Variants in SCN1A observed in about 807,000 individuals in gnomAD.
SCN1A encodes sodium voltage-gated channel alpha subunit 1.
Under a neutral mutation model 193.7 loss-of-function variants are expected in SCN1A, and 13 were observed. The ratio of observed to expected loss-of-function variants is 0.07; its 90% CI spans 0.04 to 0.11. The LOEUF is 0.11. Ranked by LOEUF, SCN1A falls within the 10% of genes least tolerant of loss-of-function variation. The probability of loss-of-function intolerance (pLI) is 1.00; values close to 1 mark genes in which losing one functional copy is unlikely to be tolerated. For synonymous variants in SCN1A, 781 were observed against 843.6 expected, an observed-to-expected ratio of 0.93 and a Z score of 1.29; for missense variants, 1,432 against 2,451.1, an observed-to-expected ratio of 0.58 and a Z score of 8.78.
At chr2:166,003,706 C>T (rs1691258340) in intron 23 of SCN1A, among the ~76,000 whole-genome samples, 1 of 151,512 alleles carries the variant, frequency 6.6e-6, no homozygotes, top group Non-Finnish European at 1.5e-5. Flanking sequence ...CCCTAAAATG[C>T]TTATAAGGGG....
chr2:166,049,007 G>C, intron 9 of SCN1A, 58 bp from the exon 10 acceptor site: 2 of 1,072,632 alleles, frequency 1.9e-6, no homozygotes, highest in Admixed American at 1.7e-5. Flanking sequence ...ACACTCAAAT[G>C]AGAACAGGAA....
upstream of SCN1A, among the ~76,000 whole-genome samples, chr2:166,130,514 G>A (rs190947670): frequency 1.3e-5 from 2 of 152,274 alleles, no homozygotes; most frequent in African/African-American, 4.8e-5. Flanking sequence ...AAATTCGGCG[G>A]ATATTTTAAA....
In SCN1A at chr2:166,013,113, C is replaced by G. The variant is rs115574643; in HGVS notation, c.3705+631G>C. Among the ~76,000 whole-genome samples the G allele has an allele frequency of 7.4e-3, 1,125 of 151,438 alleles. 21 individuals carry two copies. Among genetic ancestry groups the G allele is most frequent in the African/African-American group, 0.026 (1,075 of 41,432 alleles). ...TGTTAGTGTTTCCCTAAAATGCTATCTGTATGTTTTATTTATAGTTTTATA... is the reference window on the plus strand; with the variant it reads ...TGTTAGTGTTTCCCTAAAATGCTATGTGTATGTTTTATTTATAGTTTTATA... On this transcript the variant is annotated intron_variant, in intron 21 of 28. Transcript: ENST00000674923.
chr2:166,046,709 T>C, intron 12 of SCN1A, 61 bp downstream of exon 12: 1 of 1,545,552 alleles, frequency 6.5e-7, no homozygotes, highest in South Asian at 1.1e-5. Context: ...CACTTTCTCT[T>C]CAATATTACG....
At chr2:166,102,500 C>CA (rs78767722) in intron 2 of SCN1A, among the ~76,000 whole-genome samples, 929 of 44,188 alleles carry the variant, frequency 0.021, 22 homozygotes, top group East Asian at 0.2. Context: ...GATTACATCT[C>CA]AAAAAAAAAA....
chr2:166,088,056 T>TG (rs1686336864), intron 2 of SCN1A, among the ~76,000 whole-genome samples: 4 of 146,742 alleles, frequency 2.7e-5, no homozygotes, highest in African/African-American at 5.1e-5. Flanking sequence ...ATCTGTGTGT[T>TG]TGTGTGTGTG....
chr2:166,006,924 C>T (rs1326297445), intron 23 of SCN1A, among the ~76,000 whole-genome samples: 5 of 151,228 alleles, frequency 3.3e-5, no homozygotes, highest in African/African-American at 9.7e-5. Flanking sequence ...CAGGGTCCCC[C>T]GCCCTCACCA....
chr2:166,000,361 CTATTT>C (rs1192921773), intron 24 of SCN1A, among the ~76,000 whole-genome samples: 3 of 151,660 alleles, frequency 2.0e-5, no homozygotes, highest in African/African-American at 7.3e-5. Flanking sequence ...ACCCCCTATT[CTATTT>C]TCTTTCTGAA....
chr2:166,115,906 C>T (rs1229125961), intron 2 of SCN1A, among the ~76,000 whole-genome samples: 1 of 152,094 alleles, frequency 6.6e-6, no homozygotes, highest in Non-Finnish European at 1.5e-5. Context: ...TATACAGGAC[C>T]TAGGCACAAC....
At chr2:166,136,672 A>G (rs1158711974) in intron 1 of SCN1A, among the ~76,000 whole-genome samples, 1 of 152,224 alleles carries the variant, frequency 6.6e-6, no homozygotes, top group Non-Finnish European at 1.5e-5. Flanking sequence ...AATGGTTAAA[A>G]TAAAAATAAT....
intron 5 of SCN1A, among the ~76,000 whole-genome samples, chr2:166,057,628 T>C (rs1244403437): frequency 6.6e-6 from 1 of 152,072 alleles, no homozygotes; most frequent in African/African-American, 2.4e-5. Context: ...CCCTATCATA[T>C]GATTTTTATG....
upstream of SCN1A, among the ~76,000 whole-genome samples, chr2:166,128,764 A>AAT (rs1346938909): frequency 6.6e-6 from 1 of 152,188 alleles, no homozygotes; most frequent in Non-Finnish European, 1.5e-5. Flanking sequence ...TTAATAAGCA[A>AAT]ATATATATAG....
chr2:166,109,396 T>G (rs192227850), intron 2 of SCN1A: 2 of 152,190 alleles, frequency 1.3e-5, no homozygotes, highest in African/African-American at 4.8e-5. Context: ...GTGCCATCTT[T>G]AGAAAATATT....
intron 8 of SCN1A, 21 bp downstream of exon 8, chr2:166,052,831 A>T: frequency 6.3e-7 from 1 of 1,588,128 alleles, no homozygotes; most frequent in Non-Finnish European, 8.6e-7. Context: ...GGTCCGTCTC[A>T]TTATCTAACC....
chr2:166,116,820 A>G (rs1689921745), intron 2 of SCN1A, among the ~76,000 whole-genome samples: 1 of 152,210 alleles, frequency 6.6e-6, no homozygotes, highest in Admixed American at 6.5e-5. Context: ...TTTATAAATT[A>G]TAATCATAAA....
rs1553533990 is a variant in SCN1A, at chr2:166,015,610, C to T, written c.3547G>A (p.Glu1183Lys). The part of the protein sequence containing the change: ...ETLEPEACFT[E>K]GCVQRFKCCQ... Reference sequence around the variant, plus strand: ...ACATTAGGATTCTTTTCTTTACCTTCAGTGAAACAAGCTTCTGGTTCAAGA... The same window carrying T: ...ACATTAGGATTCTTTTCTTTACCTTTAGTGAAACAAGCTTCTGGTTCAAGA... Residue 1183 changes from glutamate (E) to lysine (K), a missense_variant, in exon 20 of 29, where the codon GAA becomes AAA. Transcript: ENST00000674923. The T allele has an allele frequency of 6.2e-7, 1 of 1,612,570 alleles. No homozygotes were observed. Among genetic ancestry groups the T allele is most frequent in the African/African-American group, 1.3e-5 (1 of 74,980 alleles).
At chr2:166,134,502 A>G (rs1022657765) in intron 1 of SCN1A, among the ~76,000 whole-genome samples, 1 of 152,184 alleles carries the variant, frequency 6.6e-6, no homozygotes, top group African/African-American at 2.4e-5. Flanking sequence ...TGGTTTTAGC[A>G]AAGAATAAAG....
At chr2:166,085,042 C>T (rs1048742684) in intron 2 of SCN1A, among the ~76,000 whole-genome samples, 3 of 152,140 alleles carry the variant, frequency 2.0e-5, no homozygotes, top group Non-Finnish European at 2.9e-5. Context: ...CCATCCAGCC[C>T]ACTGCCACTG....
At chr2:166,039,641 TACATG>T (rs1696898624) in intron 16 of SCN1A, 45 bp from the exon 17 acceptor site, 2 of 1,506,212 alleles carry the variant, frequency 1.3e-6, no homozygotes, top group Non-Finnish European at 1.8e-6. Context: ...GATAATAACA[TACATG>T]ACATAAGATT....
Sources: gnomAD v4.1 joint callset for allele counts (sites outside exome capture counted in the v4.1 genomes callset) on GRCh38, gnomAD v4.1.1 for gene constraint, MANE v1.5 for transcripts, NCBI Gene and HGNC (gene_info 2026-07-23, HGNC 2026-07-21) for gene names.